Variants in NRG1 observed in about 807,000 individuals in gnomAD.
NRG1 encodes neuregulin 1, also known as pro-neuregulin-1, membrane-bound isoform.
A neutral mutation model predicts 63.8 loss-of-function variants in NRG1; 18 were observed. The ratio of observed to expected loss-of-function variants is 0.28; its 90% CI spans 0.19 to 0.42. The LOEUF is 0.42. NRG1 is among the 10% of genes least tolerant of loss of function. NRG1 has a pLI of 1.00. For synonymous variants in NRG1, 302 were observed against 301.3 expected, an observed-to-expected ratio of 1.00 and a Z score of -0.02; for missense variants, 762 against 814.7, an observed-to-expected ratio of 0.94 and a Z score of 0.79.
At chr8:32,704,190 A>G (rs562462455) in intron 5 of NRG1, among the ~76,000 whole-genome samples, 3 of 152,304 alleles carry the variant, frequency 2.0e-5, no homozygotes, top group Admixed American at 6.5e-5. Context: ...CCATCTCCCA[A>G]TGTCCTCTGG....
intron 1 of NRG1, among the ~76,000 whole-genome samples, chr8:31,665,330 A>G (rs1489563733): frequency 6.6e-5 from 10 of 152,176 alleles, no homozygotes; most frequent in African/African-American, 2.2e-4. Flanking sequence ...GTTTGCCTTT[A>G]TGACCTTCTA....
intron 1 of NRG1, among the ~76,000 whole-genome samples, chr8:32,285,483 G>A (rs1403768120): frequency 6.6e-6 from 1 of 152,192 alleles, no homozygotes; most frequent in Admixed American, 6.5e-5. Flanking sequence ...ACTTGACCAA[G>A]TTTTTGCAGC....
intron 2 of NRG1, among the ~76,000 whole-genome samples, chr8:32,605,022 C>G (rs1425073386): frequency 2.6e-5 from 4 of 152,146 alleles, no homozygotes; most frequent in African/African-American, 9.7e-5. Context: ...GAAAAATTCC[C>G]TTCCTTTTGG....
At chr8:32,169,224 G>A (rs879376228) in intron 1 of NRG1, among the ~76,000 whole-genome samples, 2 of 152,176 alleles carry the variant, frequency 1.3e-5, no homozygotes, top group Non-Finnish European at 2.9e-5. Context: ...CAACTGATGT[G>A]TTACTTCTTA....
chr8:31,974,621 A>G (rs565691702), intron 1 of NRG1, among the ~76,000 whole-genome samples: 2 of 152,282 alleles, frequency 1.3e-5, no homozygotes, highest in Admixed American at 1.3e-4. Context: ...TAGGCCTTCA[A>G]TAAAGGGAGG....
chr8:32,580,124 T>C (rs115010721), intron 1 of NRG1, among the ~76,000 whole-genome samples: 1,964 of 152,240 alleles, frequency 0.013, 45 homozygotes, highest in African/African-American at 0.045. Context: ...CATCTATGGA[T>C]TTTGGTATCT....
chr8:31,854,100 T>G (rs1827565397), intron 1 of NRG1, among the ~76,000 whole-genome samples: 2 of 151,910 alleles, frequency 1.3e-5, no homozygotes, highest in African/African-American at 2.4e-5. Flanking sequence ...CTGCCCGGCT[T>G]TGGTATCAGG....
intron 1 of NRG1, among the ~76,000 whole-genome samples, chr8:31,956,681 C>T (rs367922695): frequency 7.9e-5 from 12 of 152,070 alleles, no homozygotes; most frequent in South Asian, 4.1e-4. Context: ...ATTTAATCCT[C>T]GCAAATATTT....
intron 1 of NRG1, among the ~76,000 whole-genome samples, chr8:32,571,040 G>A (rs536874092): frequency 9.6e-4 from 146 of 152,280 alleles, no homozygotes; most frequent in Admixed American, 1.6e-3. Flanking sequence ...CATGAACTGC[G>A]CCTGGTTAGG....
chr8:32,323,980 CA>C (rs1563315558), intron 1 of NRG1, among the ~76,000 whole-genome samples: 2 of 152,064 alleles, frequency 1.3e-5, no homozygotes, highest in African/African-American at 4.8e-5. Context: ...CTGCCTCTCA[CA>C]ACAATCGTGT....
rs532543213 is a variant in NRG1, at chr8:32,137,366, C to T, written c.38-458462C>T. Among the ~76,000 whole-genome samples the T allele has an allele frequency of 1.4e-3, 217 of 152,082 alleles. 1 individual carries two copies. Among genetic ancestry groups the T allele is most frequent in the African/African-American group, 4.3e-3 (180 of 41,470 alleles). On this transcript the variant is annotated intron_variant, in intron 1 of 10. Coordinates refer to the NRG1 transcript ENST00000519301. ...TTGAGGCAGGAGAATTGCTTGAACC[C>T]GAGAGGCCAAGGTTGCAATGAGCCG... is the stretch of plus-strand genomic sequence containing the variant.
intron 1 of NRG1, among the ~76,000 whole-genome samples, chr8:32,488,310 A>G (rs1037369369): frequency 1.3e-5 from 2 of 152,220 alleles, no homozygotes; most frequent in Non-Finnish European, 2.9e-5. Flanking sequence ...GAGCAAGTAC[A>G]CTGCCAGAGC....
intron 1 of NRG1, among the ~76,000 whole-genome samples, chr8:32,045,728 T>C (rs118077747): frequency 0.011 from 1,670 of 151,984 alleles, 32 homozygotes; most frequent in South Asian, 0.085. Flanking sequence ...TTCTAACAAA[T>C]AGTAATGGAA....
intron 1 of NRG1, among the ~76,000 whole-genome samples, chr8:31,861,735 G>A (rs1828492983): frequency 6.6e-6 from 1 of 152,098 alleles, no homozygotes; most frequent in South Asian, 2.1e-4. Context: ...ATAGGCAAAG[G>A]CTTTTTTCCA....
intron 1 of NRG1, among the ~76,000 whole-genome samples, chr8:32,341,007 C>A (rs1804003453): frequency 6.6e-6 from 1 of 152,062 alleles, no homozygotes; most frequent in African/African-American, 2.4e-5. Flanking sequence ...CTTGCTGAAC[C>A]CAATAACAAT....
At chr8:31,698,391 G>T (rs771643190) in intron 1 of NRG1, among the ~76,000 whole-genome samples, 13 of 152,126 alleles carry the variant, frequency 8.5e-5, no homozygotes, top group Non-Finnish European at 1.8e-4. Flanking sequence ...AGCTAGCAAG[G>T]CTATGTCCTT....
chr8:32,589,385 G>A (rs1020532953), intron 1 of NRG1, among the ~76,000 whole-genome samples: 11 of 152,188 alleles, frequency 7.2e-5, no homozygotes, highest in Non-Finnish European at 1.0e-4. Flanking sequence ...AATGGTATTC[G>A]TGTGGCTTTC....
At chr8:31,855,916 T>A (rs1010273782) in intron 1 of NRG1, among the ~76,000 whole-genome samples, 1 of 151,938 alleles carries the variant, frequency 6.6e-6, no homozygotes, top group African/African-American at 2.4e-5. Context: ...AAAATTCTTT[T>A]CTTTAAGAAT....
At chr8:32,291,430 T>C (rs1487143) in intron 1 of NRG1, among the ~76,000 whole-genome samples, 7,689 of 152,214 alleles carry the variant, frequency 0.051, 475 homozygotes, top group African/African-American at 0.15. Context: ...TGTAAAGCAG[T>C]TGGATATAAA....
Sources: allele counts gnomAD v4.1 joint callset (sites outside exome capture counted in the v4.1 genomes callset), GRCh38; gene constraint gnomAD v4.1.1; transcripts MANE v1.5; gene names NCBI Gene and HGNC (gene_info 2026-07-23, HGNC 2026-07-21).